Variants in PORCN observed in about 807,000 individuals in gnomAD.
The protein encoded by PORCN is protein-serine O-palmitoleoyltransferase porcupine.
PORCN carries 1 observed loss-of-function variant against 43.0 expected under a neutral mutation model. That is an observed-to-expected ratio of 0.02 (90% CI 0.01 to 0.11). PORCN has a LOEUF of 0.11. Ranked by LOEUF, PORCN falls within the 10% of genes least tolerant of loss-of-function variation. The pLI, the probability that PORCN is intolerant of heterozygous loss-of-function variation, is 1.00. For missense variants in PORCN, 240 were observed against 392.1 expected (o/e 0.61, Z 3.28); for synonymous variants, 148 against 166.4 (o/e 0.89, Z 0.85).
At chrX:48,517,119 G>T in intron 13 of PORCN, 64 bp from the exon 14 acceptor site, 1 of 885,411 alleles carries the variant, frequency 1.1e-6, no homozygotes, top group Non-Finnish European at 1.6e-6. Flanking sequence ...GCTCCCCCGT[G>T]CAGGAGGAGG....
At chrX:48,513,551 T>C (rs1018369709) in intron 7 of PORCN, among the ~76,000 whole-genome samples, 4 of 112,500 alleles carry the variant, frequency 3.6e-5, no homozygotes, top group Non-Finnish European at 7.5e-5. Flanking sequence ...TGATTAGGTC[T>C]AATGCCGAAT....
At chrX:48,511,547 G>A in intron 3 of PORCN, 60 bp downstream of exon 3, 1 of 1,039,071 alleles carries the variant, frequency 9.6e-7, no homozygotes, top group East Asian at 3.0e-5. Context: ...GGGTCCCCAG[G>A]CCCCATATGA....
intron 12 of PORCN, 42 bp downstream of exon 12, chrX:48,515,995 T>TG (rs782183321): frequency 4.2e-6 from 5 of 1,202,201 alleles, no homozygotes; most frequent in Admixed American, 2.2e-5. Context: ...AGAAGGTTGG[T>TG]GGGGGGGCTG....
Position 48,514,636 on chromosome X carries a change from A to C in PORCN, c.946+11A>C. On this transcript the variant is annotated intron_variant, in intron 10 of 14. Coordinates refer to ENST00000326194, the MANE Select transcript of PORCN (RefSeq NM_203475.3). ...ATTGGCTAAATAACTGTGAGTCACC[A>C]AGTCACCACTCCAGCTGTGTTGGTA... 8.7e-7 allele frequency: 1 copy of C among 1,150,357 alleles called. No individual in the cohort carries two copies. The highest frequency in any genetic ancestry group is 1.2e-6 in the Non-Finnish European group (1 of 839,354). 94.8% of individuals were successfully genotyped at this position (1,150,357 alleles called of 1,213,427 possible). A position where few individuals can be genotyped will look rare whatever the true frequency, so the allele number is the denominator to read the frequency against.
Position 48,520,674 on chromosome X carries a change from AG to A in PORCN, c.*203del. The A allele has an allele frequency of 4.3e-6, 2 of 468,484 alleles. No individual in the cohort carries two copies. The highest frequency in any genetic ancestry group is 7.7e-6 in the Non-Finnish European group (2 of 259,738). 38.6% of individuals were successfully genotyped at this position (468,484 alleles called of 1,213,427 possible). On this transcript the variant is annotated 3_prime_UTR_variant, in exon 15 of 15. Transcript: ENST00000326194. ...ATCCCCACCCCACCACAAGGCAGGA[AG>A]GGGGTGGTGCCTGCTGGGGCCTAGA...
chrX:48,512,121 C>A, intron 4 of PORCN, 186 bp downstream of exon 4: 1 of 547,564 alleles, frequency 1.8e-6, no homozygotes, highest in Admixed American at 2.7e-5. Flanking sequence ...CGAAGTCTGT[C>A]TGTCTCGTGT....
At chrX:48,518,084 T>A (rs2061732713) in intron 14 of PORCN, among the ~76,000 whole-genome samples, 1 of 108,677 alleles carries the variant, frequency 9.2e-6, no homozygotes, top group Admixed American at 1.0e-4. Context: ...AATGTTTTTT[T>A]AATTTTTTTT....
At chrX:48,511,615 G>T in intron 3 of PORCN, 128 bp downstream of exon 3, 1 of 656,006 alleles carries the variant, frequency 1.5e-6, no homozygotes, top group Non-Finnish European at 2.6e-6. Flanking sequence ...GAGTCTGGGA[G>T]AATCATTTGC....
chrX:48,514,912 T>G (rs895568432), intron 10 of PORCN, among the ~76,000 whole-genome samples: 1 of 111,096 alleles, frequency 9.0e-6, no homozygotes, highest in African/African-American at 3.3e-5. Context: ...GTATTGCAAT[T>G]GTAAAAAAAT....
chrX:48,511,178 CCTT>C, intron 2 of PORCN, 114 bp from the exon 3 acceptor site: 1 of 664,127 alleles, frequency 1.5e-6, no homozygotes, highest in Non-Finnish European at 2.3e-6. Context: ...AGCCCACCAA[CCTT>C]CTCTTTCTTG....
chrX:48,515,781 C>T lies in PORCN; in HGVS notation c.1011C>T (p.Ser337=), dbSNP rs1280280192. 8 of 1,205,657 alleles carry T rather than the reference C, an allele frequency of 6.6e-6. No homozygotes were observed. Among genetic ancestry groups the T allele is most frequent in the Non-Finnish European group, 7.8e-6 (7 of 892,903 alleles). ...FSAVLVTYAA[S]ALLHGFSFHL... is the part of the protein sequence containing the mutation. ...CTGTGCTGGTCACCTATGCAGCCAG[C>T]GCCCTCCTACATGTGAGCAGGGTGG... Residue 337 remains serine (S), a synonymous_variant, in exon 11 of 15, where the codon AGC becomes AGT. Coordinates refer to ENST00000326194, the MANE Select transcript of PORCN (RefSeq NM_203475.3).
chrX:48,510,045 C>T lies in PORCN; in HGVS notation c.136+89C>T, dbSNP rs782380672. On this transcript the variant is annotated intron_variant, in intron 2 of 14. Transcript: ENST00000326194. Reference sequence around the variant, plus strand: ...TATCGAGCCACACCTTACCCTGTCACATCCTGCCAGGCCCTAGCATGTCCA... The same window carrying T: ...TATCGAGCCACACCTTACCCTGTCATATCCTGCCAGGCCCTAGCATGTCCA... 1.4e-4 allele frequency: 104 copies of T among 756,318 alleles called. No homozygotes were observed. The African/African-American group carries it at 1.8e-3, about 13-fold the overall frequency. The allele number at this position is 756,318 out of a possible 1,213,427, so 62.3% of individuals were successfully genotyped here.
chrX:48,512,084 C>G, intron 4 of PORCN, 149 bp downstream of exon 4: 5 of 562,624 alleles, frequency 8.9e-6, no homozygotes, highest in Admixed American at 2.6e-5. Context: ...CTCTTGGGTC[C>G]GTGTCTCTTT....
At chrX:48,511,197 C>CCTCT (rs1200939223) in intron 2 of PORCN, 98 bp from the exon 3 acceptor site, 3 of 657,058 alleles carry the variant, frequency 4.6e-6, no homozygotes, top group Non-Finnish European at 2.4e-6. Flanking sequence ...TCTTGTTCTC[C>CCTCT]CTCTCTCTCT....
At chrX:48,516,827 T>A (rs944429304) in intron 13 of PORCN, among the ~76,000 whole-genome samples, 6 of 110,930 alleles carry the variant, frequency 5.4e-5, no homozygotes, top group African/African-American at 1.6e-4. Flanking sequence ...TTTTGTTGTG[T>A]GTTTTTCATT....
In PORCN at chrX:48,512,730, C is replaced by A; in HGVS notation, c.686+11C>A. ...CCGCCTCCTTCGCAAGTGAGCACAG[C>A]CTTCGAGGCCCCTGCCCAGCAATGA... On this transcript the variant is annotated intron_variant, in intron 6 of 14. Coordinates refer to ENST00000326194, the MANE Select transcript of PORCN (RefSeq NM_203475.3). 1 of 1,212,332 alleles carries A rather than the reference C, an allele frequency of 8.2e-7. No homozygotes were observed. Among genetic ancestry groups the A allele is most frequent in the South Asian group, 1.8e-5 (1 of 57,026 alleles).
chrX:48,510,798 CATCT>C (rs1380122396), intron 2 of PORCN, among the ~76,000 whole-genome samples: 7 of 108,902 alleles, frequency 6.4e-5, no homozygotes, highest in East Asian at 2.9e-4. Context: ...TCTATCTATC[CATCT>C]ATCTATCTAT....
chrX:48,512,808 G>T (rs781824293), intron 6 of PORCN, 27 bp from the exon 7 acceptor site: 1 of 1,212,397 alleles, frequency 8.2e-7, no homozygotes. Flanking sequence ...GTCTCTTAAT[G>T]CTTCTTTCTG....
Position 48,514,348 on chromosome X carries a change from G to C in PORCN, c.828G>C (p.Glu276Asp). The change falls in exon 9 of 15, where the codon GAG becomes GAC. Residue 276 changes from glutamate (E) to aspartate (D), a missense_variant. Physicochemically the swap from Glu to Asp is conservative, Grantham distance 45. Coordinates refer to ENST00000326194, the MANE Select transcript of PORCN (RefSeq NM_203475.3). ...TGGCGGGGGCTGGCTTTACCGAGGA[G>C]AAGGATCACCTGGAATGGTGGGGGG... is the stretch of plus-strand genomic sequence containing the variant. ...ATLAGAGFTE[E>D]KDHLEWDLTV... 1 of 1,211,526 alleles carries C rather than the reference G, an allele frequency of 8.3e-7. No individual in the cohort carries two copies. The highest frequency in any genetic ancestry group is 3.0e-5 in the East Asian group (1 of 33,871).
Sources: gnomAD v4.1 joint callset for allele counts (sites outside exome capture counted in the v4.1 genomes callset) on GRCh38, gnomAD v4.1.1 for gene constraint, MANE v1.5 for transcripts, NCBI Gene and HGNC (gene_info 2026-07-23, HGNC 2026-07-21) for gene names.